The following ITFG1 variants were observed in gnomAD, a reference collection of about 807,000 sequenced individuals.
ITFG1 encodes the protein T-cell immunomodulatory protein.
ITFG1 carries 34 observed loss-of-function variants against 81.8 expected under a neutral mutation model. That is an observed-to-expected ratio of 0.42 (90% confidence interval 0.32 to 0.55). The LOEUF (loss-of-function observed/expected upper bound fraction) is 0.55, where lower values mean the gene tolerates loss of function less well. Ranked by LOEUF, ITFG1 falls within the 20% of genes least tolerant of loss-of-function variation. The probability of loss-of-function intolerance (pLI) is 0.17; values close to 1 mark genes in which losing one functional copy is unlikely to be tolerated. For missense variants in ITFG1, 672 were observed against 755.4 expected (o/e 0.89, Z 1.29); for synonymous variants, 285 against 270.6 (o/e 1.05, Z -0.52).
chr16:47,199,062 C>A (rs1456721795), intron 14 of ITFG1, among the ~76,000 whole-genome samples: 4 of 151,990 alleles, frequency 2.6e-5, no homozygotes, highest in African/African-American at 9.7e-5. Context: ...TCACTTGAGG[C>A]CAGGAGTTCA....
intron 12 of ITFG1, among the ~76,000 whole-genome samples, chr16:47,255,299 C>G (rs1446483812): frequency 6.6e-6 from 1 of 152,236 alleles, no homozygotes; most frequent in Non-Finnish European, 1.5e-5. Context: ...GAAAAACTCA[C>G]TGTCACTCAT....
intron 8 of ITFG1, among the ~76,000 whole-genome samples, chr16:47,340,739 T>TA (rs1293383650): frequency 6.6e-6 from 1 of 152,174 alleles, no homozygotes; most frequent in South Asian, 2.1e-4. Context: ...GAATGAATTT[T>TA]AAAAAAACAT....
intron 6 of ITFG1, among the ~76,000 whole-genome samples, chr16:47,394,799 G>A (rs537910920): frequency 1.3e-5 from 2 of 152,220 alleles, no homozygotes; most frequent in South Asian, 4.1e-4. Context: ...AATGGTATCT[G>A]AGATCCTGAG....
At chr16:47,329,830 C>T (rs562135133) in intron 8 of ITFG1, among the ~76,000 whole-genome samples, 2 of 152,076 alleles carry the variant, frequency 1.3e-5, no homozygotes, top group South Asian at 2.1e-4. Flanking sequence ...AGGCAGCCTG[C>T]GTCGAGAGCC....
upstream of ITFG1, chr16:47,461,238 C>A: frequency 9.7e-7 from 1 of 1,025,978 alleles, no homozygotes; most frequent in Non-Finnish European, 1.4e-6. Context: ...GAAAGCCGCC[C>A]TCACGCTCAC....
chr16:47,189,715 C>T (rs1474324537), intron 14 of ITFG1, among the ~76,000 whole-genome samples: 1 of 152,058 alleles, frequency 6.6e-6, no homozygotes, highest in Non-Finnish European at 1.5e-5. Flanking sequence ...GGGAATATAC[C>T]TAGGAGTGGA....
At chr16:47,371,961 T>C (rs1968260851) in intron 7 of ITFG1, among the ~76,000 whole-genome samples, 1 of 151,616 alleles carries the variant, frequency 6.6e-6, no homozygotes. Context: ...TCACCCAGGC[T>C]GGAGTACAGT....
chr16:47,448,165 T>C (rs990886623), intron 5 of ITFG1: 1 of 152,174 alleles, frequency 6.6e-6, no homozygotes, highest in Non-Finnish European at 1.5e-5. Flanking sequence ...TACTAAACAA[T>C]AGATTTAAGT....
chr16:47,171,746 C>CA (rs1964965725), intron 14 of ITFG1, among the ~76,000 whole-genome samples: 1 of 152,030 alleles, frequency 6.6e-6, no homozygotes, highest in Non-Finnish European at 1.5e-5. Flanking sequence ...TTAGTTATCT[C>CA]AAGATATTGT....
At chr16:47,293,322 G>C (rs1159660591) in intron 10 of ITFG1, among the ~76,000 whole-genome samples, 2 of 151,500 alleles carry the variant, frequency 1.3e-5, no homozygotes, top group Non-Finnish European at 1.5e-5. Context: ...ATATACAAGT[G>C]CTGGTATCGT....
intron 10 of ITFG1, chr16:47,263,280 C>A: frequency 2.3e-6 from 1 of 444,348 alleles, no homozygotes; most frequent in Non-Finnish European, 4.6e-6. Flanking sequence ...TCTGTGTATG[C>A]TTATGGGGTT....
chr16:47,247,522 C>T (rs1202048020), intron 12 of ITFG1, among the ~76,000 whole-genome samples: 1 of 152,168 alleles, frequency 6.6e-6, no homozygotes. Context: ...AGTGCCACTC[C>T]TTTCAAGCTT....
chr16:47,346,053 T>A (rs946580742), intron 8 of ITFG1, among the ~76,000 whole-genome samples: 1 of 152,156 alleles, frequency 6.6e-6, no homozygotes, highest in Non-Finnish European at 1.5e-5. Context: ...TTCCATCCAA[T>A]GGCAGCAAAA....
At chr16:47,456,499 C>T (rs1423721603) in intron 2 of ITFG1, among the ~76,000 whole-genome samples, 7 of 151,784 alleles carry the variant, frequency 4.6e-5, no homozygotes, top group African/African-American at 1.2e-4. Flanking sequence ...GACACCAGCC[C>T]GGGCAACACG....
chr16:47,318,051 G>A (rs772487282), intron 8 of ITFG1, among the ~76,000 whole-genome samples: 1 of 152,058 alleles, frequency 6.6e-6, no homozygotes. Flanking sequence ...GGAACAGTTA[G>A]ATTTGCATTT....
chr16:47,214,408 G>T (rs1965600488), intron 14 of ITFG1, among the ~76,000 whole-genome samples: 1 of 152,128 alleles, frequency 6.6e-6, no homozygotes, highest in African/African-American at 2.4e-5. Flanking sequence ...GCAATTCTTG[G>T]TCTAATAATG....
intron 14 of ITFG1, among the ~76,000 whole-genome samples, chr16:47,215,372 G>C (rs1332789577): frequency 6.6e-6 from 1 of 152,054 alleles, no homozygotes; most frequent in Non-Finnish European, 1.5e-5. Flanking sequence ...CTACTTCCTT[G>C]CTTAGAATAC....
At chr16:47,357,683 T>C (rs535885129) in intron 8 of ITFG1, among the ~76,000 whole-genome samples, 13 of 150,250 alleles carry the variant, frequency 8.7e-5, no homozygotes, top group African/African-American at 2.9e-4. Flanking sequence ...ATGTCAGAGG[T>C]ATATTTAGGA....
At chr16:47,340,952 A>G (rs1052373341) in intron 8 of ITFG1, among the ~76,000 whole-genome samples, 2 of 152,360 alleles carry the variant, frequency 1.3e-5, no homozygotes, top group African/African-American at 4.8e-5. Context: ...CTGTAATCAT[A>G]CATACACCTA....
Sources: gnomAD v4.1 joint callset for allele counts (sites outside exome capture counted in the v4.1 genomes callset) on GRCh38, gnomAD v4.1.1 for gene constraint, MANE v1.5 for transcripts, NCBI Gene and HGNC (gene_info 2026-07-23, HGNC 2026-07-21) for gene names.